DEPDC5: variants seen among roughly 807,000 people sequenced by gnomAD.
The protein encoded by DEPDC5 is DEP domain containing 5, GATOR1 subcomplex subunit, also known as GATOR1 complex protein DEPDC5.
Under a neutral mutation model 217.3 loss-of-function variants are expected in DEPDC5, and 73 were observed. The observed-to-expected ratio is 0.34, with a 90% CI of 0.28 to 0.41. DEPDC5 has a LOEUF of 0.41. Ranked by LOEUF, DEPDC5 falls within the 10% of genes least tolerant of loss-of-function variation. The probability of loss-of-function intolerance (pLI) is 1.00; values close to 1 mark genes in which losing one functional copy is unlikely to be tolerated. For synonymous variants in DEPDC5, 733 were observed against 756.7 expected (o/e 0.97, Z 0.51); for missense variants, 1,675 against 2,070.1 (o/e 0.81, Z 3.70).
intron 5 of DEPDC5, 32 bp from the exon 6 acceptor site, chr22:31,766,553 T>C: frequency 6.2e-7 from 1 of 1,602,446 alleles, no homozygotes; most frequent in Non-Finnish European, 8.5e-7. Flanking sequence ...GGCAAAGTAA[T>C]GTCAGAGATA....
rs140822303 is a variant in DEPDC5, at chr22:31,795,157, G to A, written c.767+2340G>A. Among the ~76,000 whole-genome samples the A allele has an allele frequency of 1.2e-4, 17 of 137,518 alleles. No individual in the cohort carries two copies. In the East Asian group the frequency reaches 3.1e-3, roughly 25 times the overall value. 90.2% of individuals were successfully genotyped at this position (137,518 alleles called of 152,430 possible). ...GTGATCTCAGCTCACTGCAACTTCCGCCTCCCTAGTACAAGCAATTCCCTG... is the reference window on the plus strand; with the variant it reads ...GTGATCTCAGCTCACTGCAACTTCCACCTCCCTAGTACAAGCAATTCCCTG... On this transcript the variant is annotated intron_variant, in intron 12 of 42. Transcript: ENST00000651528.
chr22:31,863,589 C>T (rs2092587480), intron 33 of DEPDC5, among the ~76,000 whole-genome samples: 1 of 152,180 alleles, frequency 6.6e-6, no homozygotes, highest in African/African-American at 2.4e-5. Flanking sequence ...GTGGGAAGAT[C>T]ACTTGAGCCC....
chr22:31,795,201 C>T (rs1416716248), intron 12 of DEPDC5, among the ~76,000 whole-genome samples: 2 of 151,218 alleles, frequency 1.3e-5, no homozygotes, highest in African/African-American at 2.4e-5. Flanking sequence ...TCCGGAGTAG[C>T]TGGGATTGCA....
chr22:31,894,349 C>T (rs1032941710), intron 39 of DEPDC5: 3 of 151,622 alleles, frequency 2.0e-5, no homozygotes, highest in African/African-American at 7.3e-5. Context: ...CATGTCAGTA[C>T]AAATAAATCT....
chr22:31,778,272 C>A (rs550801631), intron 8 of DEPDC5, 104 bp downstream of exon 8: 3 of 1,153,198 alleles, frequency 2.6e-6, no homozygotes, highest in East Asian at 2.5e-5. Flanking sequence ...CCAAGGTGGG[C>A]AGATTGCTTT....
intron 37 of DEPDC5, among the ~76,000 whole-genome samples, chr22:31,879,029 C>CAAAGAAAA (rs1425789379): frequency 1.5e-5 from 1 of 68,146 alleles, no homozygotes; most frequent in Non-Finnish European, 2.6e-5. Context: ...GACTCCGTCT[C>CAAAGAAAA]AAAAAAAAAA....
intron 15 of DEPDC5, 27 bp downstream of exon 15, chr22:31,802,865 C>A: frequency 6.4e-7 from 1 of 1,565,706 alleles, no homozygotes; most frequent in Non-Finnish European, 8.7e-7. Context: ...TGTGCCCTGT[C>A]TCCACATGTT....
chr22:31,790,914 T>A (rs1236596067), intron 10 of DEPDC5, among the ~76,000 whole-genome samples: 3 of 151,926 alleles, frequency 2.0e-5, no homozygotes, highest in African/African-American at 7.3e-5. Context: ...GCCTGGGTAA[T>A]TTTCCTACTT....
Position 31,870,734 on chromosome 22 carries a change from A to G in DEPDC5, c.3475A>G (p.Ser1159Gly). 2 of 1,571,870 alleles carry G rather than the reference A, an allele frequency of 1.3e-6. No individual in the cohort carries two copies. The highest frequency in any genetic ancestry group is 1.7e-6 in the Non-Finnish European group (2 of 1,161,920). The change falls in exon 34 of 43, where the codon AGT (serine) becomes GGT (glycine). Residue 1159 changes from serine (S) to glycine (G), a missense_variant. Coordinates refer to ENST00000651528, the MANE Select transcript of DEPDC5 (RefSeq NM_001242896.3). ...ACAGGGCTACTCCTCCACAAACTCC[A>G]GTGACAGCAGGTGAGATTCAGAGTG... The part of the protein sequence containing the change: ...GEQGYSSTNS[S>G]DSSSQQLVAS...
At chr22:31,811,927 C>G (rs916817722) in intron 20 of DEPDC5, among the ~76,000 whole-genome samples, 1 of 152,120 alleles carries the variant, frequency 6.6e-6, no homozygotes, top group African/African-American at 2.4e-5. Flanking sequence ...CACTCTCTAC[C>G]CCAGAGTTAC....
intron 4 of DEPDC5, among the ~76,000 whole-genome samples, chr22:31,763,431 CT>C (rs897703960): frequency 5.6e-4 from 81 of 144,828 alleles, no homozygotes; most frequent in African/African-American, 5.8e-4. Flanking sequence ...TTGCCCCTGC[CT>C]TTTTTTTTTT....
chr22:31,772,764 T>G (rs2083470484), intron 7 of DEPDC5, among the ~76,000 whole-genome samples: 2 of 150,888 alleles, frequency 1.3e-5, no homozygotes, highest in South Asian at 4.1e-4. Context: ...TCCTCTTTTA[T>G]TTTTAAATTA....
intron 31 of DEPDC5, among the ~76,000 whole-genome samples, chr22:31,849,409 G>A (rs1275048395): frequency 2.6e-5 from 4 of 152,066 alleles, no homozygotes; most frequent in African/African-American, 4.8e-5. Context: ...TGGTGGAAGG[G>A]GAAGCAAACA....
chr22:31,861,561 G>C (rs2092513694), intron 33 of DEPDC5, 128 bp downstream of exon 33: 1 of 976,714 alleles, frequency 1.0e-6, no homozygotes, highest in African/African-American at 1.6e-5. Flanking sequence ...ACTTGAATTT[G>C]GTCTCAGAAT....
Position 31,839,518 on chromosome 22 carries a change from AC to A in DEPDC5, c.2515+680del, listed in dbSNP as rs136859. Reference sequence around the variant, plus strand: ...CTGTCTCTTCATTATTGCTAACAAGACCCCCCCTCCCCTGATCACCTAGTGA... The same window carrying A: ...CTGTCTCTTCATTATTGCTAACAAGACCCCCCTCCCCTGATCACCTAGTGA... On this transcript the variant is annotated intron_variant, in intron 27 of 42. Coordinates refer to ENST00000651528, the MANE Select transcript of DEPDC5 (RefSeq NM_001242896.3). 3.1e-3 allele frequency among the ~76,000 whole-genome samples: 466 copies of A among 149,490 alleles called. 5 individuals carry two copies. Among genetic ancestry groups the A allele is most frequent in the East Asian group, 2.7e-3 (14 of 5,144 alleles).
chr22:31,886,312 T>A (rs1353679183), intron 38 of DEPDC5, among the ~76,000 whole-genome samples: 1 of 152,154 alleles, frequency 6.6e-6, no homozygotes, highest in Non-Finnish European at 1.5e-5. Context: ...ATGAGCTGAT[T>A]CCCTCTCTTG....
intron 24 of DEPDC5, among the ~76,000 whole-genome samples, chr22:31,826,717 A>G (rs932740121): frequency 6.6e-6 from 1 of 151,948 alleles, no homozygotes; most frequent in African/African-American, 2.4e-5. Context: ...CTTGTTTTCC[A>G]TGTCTGTCTC....
chr22:31,755,127 A>G lies in DEPDC5; in HGVS notation c.58+148A>G, dbSNP rs143381514. 1.2e-3 allele frequency: 984 copies of G among 811,402 alleles called. 5 individuals carry two copies. In the African/African-American group the frequency reaches 0.013, roughly 11 times the overall value. The allele number at this position is 811,402 out of a possible 1,614,324, so 50.3% of individuals were successfully genotyped here. A position where few individuals can be genotyped will look rare whatever the true frequency, so the allele number is the denominator to read the frequency against. On this transcript the variant is annotated intron_variant, in intron 2 of 42. Transcript: ENST00000651528. ...AAGCAGCAACTGTCATACAGTAACA[A>G]TAGGAGGATGGCAGGACCCTTCTAA...
intron 33 of DEPDC5, among the ~76,000 whole-genome samples, chr22:31,865,633 G>C (rs2092670151): frequency 6.6e-6 from 1 of 152,224 alleles, no homozygotes; most frequent in Non-Finnish European, 1.5e-5. Flanking sequence ...CCAAGCACCT[G>C]CTGGGTGTAG....
Sources: allele counts gnomAD v4.1 joint callset (sites outside exome capture counted in the v4.1 genomes callset), GRCh38; gene constraint gnomAD v4.1.1; transcripts MANE v1.5; gene names NCBI Gene and HGNC (gene_info 2026-07-23, HGNC 2026-07-21).